Variants in SIK3 observed in about 807,000 individuals in gnomAD.
The protein encoded by SIK3 is serine/threonine-protein kinase SIK3.
Under a neutral mutation model 144.2 loss-of-function variants are expected in SIK3, and 28 were observed. The observed-to-expected ratio is 0.19, with a 90% CI of 0.14 to 0.27. The LOEUF (loss-of-function observed/expected upper bound fraction) is 0.27, where lower values mean the gene tolerates loss of function less well. Ranked by LOEUF, SIK3 falls within the 10% of genes least tolerant of loss-of-function variation. SIK3 has a pLI of 1.00. For missense variants in SIK3, 1,319 were observed against 1,776.0 expected, an observed-to-expected ratio of 0.74 and a Z score of 4.62; for synonymous variants, 686 against 676.3, an observed-to-expected ratio of 1.01 and a Z score of -0.22.
chr11:116,985,848 G>T (rs1247445686), intron 1 of SIK3, among the ~76,000 whole-genome samples: 2 of 151,978 alleles, frequency 1.3e-5, no homozygotes, highest in Non-Finnish European at 2.9e-5. Flanking sequence ...AAACAAAAAG[G>T]TCCTCATTTT....
chr11:116,922,158 C>G (rs1338177615), intron 4 of SIK3, among the ~76,000 whole-genome samples: 1 of 152,066 alleles, frequency 6.6e-6, no homozygotes, highest in Non-Finnish European at 1.5e-5. Context: ...CTTATTCTCT[C>G]GAAGAGAACT....
intron 1 of SIK3, among the ~76,000 whole-genome samples, chr11:117,053,863 T>A (rs1345549206): frequency 6.6e-6 from 1 of 151,986 alleles, no homozygotes; most frequent in Non-Finnish European, 1.5e-5. Context: ...CCCAGGCTGG[T>A]CTCGAACTCC....
intron 1 of SIK3, among the ~76,000 whole-genome samples, chr11:117,017,506 A>T (rs1384724205): frequency 7.0e-6 from 1 of 143,040 alleles, no homozygotes; most frequent in Non-Finnish European, 1.6e-5. Flanking sequence ...CCTAGTACAT[A>T]GTAAACATTC....
intron 4 of SIK3, among the ~76,000 whole-genome samples, chr11:116,912,276 C>A (rs542699122): frequency 6.6e-6 from 1 of 152,098 alleles, no homozygotes; most frequent in Non-Finnish European, 1.5e-5. Context: ...AGATCAGGAG[C>A]CTGGGGATAT....
intron 1 of SIK3, among the ~76,000 whole-genome samples, chr11:117,069,205 T>G (rs1465300842): frequency 2.7e-5 from 4 of 150,046 alleles, no homozygotes; most frequent in African/African-American, 4.9e-5. Context: ...GGGTTTGTTG[T>G]TGTTATTTTA....
intron 1 of SIK3, among the ~76,000 whole-genome samples, chr11:117,041,995 T>C (rs1472081571): frequency 6.6e-6 from 1 of 152,166 alleles, no homozygotes; most frequent in Non-Finnish European, 1.5e-5. Context: ...ATTTTCCCTT[T>C]ACTGGCCCAC....
At chr11:117,064,905 T>A (rs1565609151) in intron 1 of SIK3, among the ~76,000 whole-genome samples, 1 of 152,084 alleles carries the variant, frequency 6.6e-6, no homozygotes, top group African/African-American at 2.4e-5. Flanking sequence ...ATCCCAGCAC[T>A]TTGGGAAGCC....
chr11:117,008,921 T>C (rs1367573723), intron 1 of SIK3, among the ~76,000 whole-genome samples: 1 of 152,066 alleles, frequency 6.6e-6, no homozygotes, highest in African/African-American at 2.4e-5. Context: ...AAAACATAGA[T>C]AACAGTTGGT....
chr11:117,082,612 T>C (rs1019053928), intron 1 of SIK3, among the ~76,000 whole-genome samples: 1 of 152,192 alleles, frequency 6.6e-6, no homozygotes, highest in Non-Finnish European at 1.5e-5. Flanking sequence ...TGCTTAGGGC[T>C]GAGAAGAGAG....
intron 1 of SIK3, among the ~76,000 whole-genome samples, chr11:117,017,784 TCA>T (rs1283162570): frequency 6.6e-6 from 1 of 152,158 alleles, no homozygotes; most frequent in African/African-American, 2.4e-5. Flanking sequence ...TCTATAAATC[TCA>T]GTTTCCTCAT....
chr11:116,915,702 T>G (rs1322216286), intron 4 of SIK3, among the ~76,000 whole-genome samples: 3 of 152,232 alleles, frequency 2.0e-5, no homozygotes, highest in African/African-American at 7.2e-5. Context: ...TGATGTGCTG[T>G]GTAAGAACCA....
At chr11:116,930,485 A>C (rs645258) in intron 3 of SIK3, among the ~76,000 whole-genome samples, 135,379 of 152,224 alleles carry the variant, frequency 0.89, 60,441 homozygotes, top group African/African-American at 0.92. Flanking sequence ...AGAGCTGTAG[A>C]CCAGCCTGGA....
chr11:116,926,190 A>G (rs1191709510), intron 4 of SIK3, among the ~76,000 whole-genome samples: 2 of 152,210 alleles, frequency 1.3e-5, no homozygotes, highest in Non-Finnish European at 1.5e-5. Flanking sequence ...AGTTTTCTAT[A>G]TGAGATGTCC....
rs1477232962 is a variant in SIK3 at position 116,867,430 on chromosome 11, A to G, written c.1952+516T>C. Among the ~76,000 whole-genome samples, 1 of 152,216 alleles carries G rather than the reference A, an allele frequency of 6.6e-6. No individual in the cohort carries two copies. On this transcript the variant is annotated intron_variant, in intron 15 of 24. Transcript: ENST00000445177. This position sits in a 1 kb window ranked among gnomAD's most constrained non-coding sequence, Gnocchi z 4.1. ...CTAGCAAAAGATTTTTGCCATCAGA[A>G]TATTGAAAGAATGACCTCTTAAATA...
At chr11:117,062,184 G>A (rs1953825009) in intron 1 of SIK3, among the ~76,000 whole-genome samples, 1 of 152,066 alleles carries the variant, frequency 6.6e-6, no homozygotes, top group African/African-American at 2.4e-5. Context: ...AATTAGCCAG[G>A]CGTGAACTCC....
intron 19 of SIK3, 77 bp from the exon 20 acceptor site, chr11:116,859,681 T>A: frequency 8.1e-7 from 1 of 1,229,124 alleles, no homozygotes; most frequent in Non-Finnish European, 1.2e-6. Context: ...CTAATGAGAA[T>A]ACTCAGACGA....
chr11:117,042,374 A>T (rs566902862), intron 1 of SIK3, among the ~76,000 whole-genome samples: 4 of 152,316 alleles, frequency 2.6e-5, no homozygotes, highest in African/African-American at 7.2e-5. Context: ...AGGAGGCACA[A>T]TGGTTAAAGG....
intron 1 of SIK3, among the ~76,000 whole-genome samples, chr11:117,058,904 G>T (rs1339610866): frequency 2.0e-5 from 3 of 152,202 alleles, no homozygotes; most frequent in African/African-American, 7.2e-5. Context: ...TGGCATGTGG[G>T]AAAGAAGAAC....
At chr11:116,896,512 G>C in intron 5 of SIK3, 136 bp from the exon 6 acceptor site, 3 of 892,990 alleles carry the variant, frequency 3.4e-6, no homozygotes, top group Non-Finnish European at 4.8e-6. Flanking sequence ...TCTTAGAACA[G>C]TTAACAATCT....
Sources: allele counts gnomAD v4.1 joint callset (sites outside exome capture counted in the v4.1 genomes callset), GRCh38; gene constraint gnomAD v4.1.1; non-coding constraint Gnocchi (gnomAD v3.1); transcripts MANE v1.5; gene names NCBI Gene and HGNC (gene_info 2026-07-23, HGNC 2026-07-21).